The following AMPH variants were observed in gnomAD, a reference collection of about 807,000 sequenced individuals.
AMPH encodes the protein amphiphysin.
Under a neutral mutation model 99.1 loss-of-function variants are expected in AMPH, and 49 were observed. The observed-to-expected ratio is 0.49, with a 90% CI of 0.39 to 0.63. The LOEUF (loss-of-function observed/expected upper bound fraction) is 0.63. Ranked by LOEUF, AMPH falls within the 20% of genes least tolerant of loss-of-function variation. The probability of loss-of-function intolerance (pLI) is 0.00; values close to 1 mark genes in which losing one functional copy is unlikely to be tolerated. For synonymous variants in AMPH, 314 were observed against 317.3 expected, an observed-to-expected ratio of 0.99 and a Z score of 0.11; for missense variants, 759 against 863.4, an observed-to-expected ratio of 0.88 and a Z score of 1.52.
At chr7:38,515,100 G>A (rs1199633267) in intron 2 of AMPH, among the ~76,000 whole-genome samples, 2 of 152,182 alleles carry the variant, frequency 1.3e-5, no homozygotes, top group Non-Finnish European at 2.9e-5. Flanking sequence ...GGCCATTCTG[G>A]TGATGTCTCA....
intron 19 of AMPH, 109 bp from the exon 20 acceptor site, chr7:38,390,014 T>C: frequency 1.2e-6 from 1 of 865,806 alleles, no homozygotes; most frequent in Non-Finnish European, 1.9e-6. Context: ...ATTTGCCATA[T>C]CCCAAGGAGG....
At chr7:38,573,446 C>A (rs1792122586) in intron 1 of AMPH, among the ~76,000 whole-genome samples, 1 of 152,112 alleles carries the variant, frequency 6.6e-6, no homozygotes, top group African/African-American at 2.4e-5. Context: ...TAATGACAAC[C>A]AAAATATAAC....
intron 7 of AMPH, among the ~76,000 whole-genome samples, chr7:38,473,110 A>T (rs1373878249): frequency 7.9e-5 from 12 of 152,182 alleles, no homozygotes; most frequent in Non-Finnish European, 2.9e-5. Flanking sequence ...TGGCACTGGC[A>T]ATTTCCCAGG....
rs542971450 is a variant in AMPH at position 38,613,558 on chromosome 7, G to A, written c.69+17725C>T. ...GCACCTGCTCATTATCCGCTGTTCT[G>A]AGCGGAGAGTATTTCTCCACCGTGC... On this transcript the variant is annotated intron_variant, in intron 1 of 20. Coordinates refer to ENST00000356264, the MANE Select transcript of AMPH (RefSeq NM_001635.4). Among the ~76,000 whole-genome samples, 8 of 152,272 alleles carry A rather than the reference G, an allele frequency of 5.3e-5. No individual in the cohort carries two copies. The South Asian group carries it at 1.7e-3, about 32-fold the overall frequency.
chr7:38,493,621 T>G (rs1269447018), intron 4 of AMPH, among the ~76,000 whole-genome samples: 1 of 152,186 alleles, frequency 6.6e-6, no homozygotes, highest in Non-Finnish European at 1.5e-5. Flanking sequence ...TGTTAAGACA[T>G]GTCTAGGGCC....
chr7:38,588,078 A>G (rs373481991), intron 1 of AMPH, among the ~76,000 whole-genome samples: 1 of 151,834 alleles, frequency 6.6e-6, no homozygotes, highest in African/African-American at 2.4e-5. Context: ...CTGCCTCCCA[A>G]GTAGGTGGAC....
intron 1 of AMPH, among the ~76,000 whole-genome samples, chr7:38,614,737 TA>T (rs2129067867): frequency 6.6e-6 from 1 of 152,260 alleles, no homozygotes; most frequent in South Asian, 2.1e-4. Flanking sequence ...TTCGAGGCAC[TA>T]AGGCCCCGAG....
intron 1 of AMPH, among the ~76,000 whole-genome samples, chr7:38,590,006 G>T (rs1792796985): frequency 6.6e-6 from 1 of 152,194 alleles, no homozygotes. Flanking sequence ...GGGCTTCAAA[G>T]AGTGCTTTAT....
intron 2 of AMPH, among the ~76,000 whole-genome samples, chr7:38,527,641 G>A (rs1213121891): frequency 1.3e-5 from 2 of 152,078 alleles, no homozygotes; most frequent in African/African-American, 2.4e-5. Flanking sequence ...TAGTATTTTC[G>A]TTGACGTCTT....
intron 1 of AMPH, among the ~76,000 whole-genome samples, chr7:38,620,702 TC>T (rs1305675811): frequency 6.6e-6 from 1 of 152,118 alleles, no homozygotes; most frequent in Non-Finnish European, 1.5e-5. Context: ...ATAAGGGCTT[TC>T]TTTTTTTTGG....
chr7:38,418,788 TG>T (rs761585981), intron 16 of AMPH, among the ~76,000 whole-genome samples: 41 of 152,278 alleles, frequency 2.7e-4, no homozygotes, highest in Non-Finnish European at 4.4e-4. Context: ...GAGGTCTTTT[TG>T]TCCCAACAAG....
intron 1 of AMPH, among the ~76,000 whole-genome samples, chr7:38,604,733 A>G (rs1562856625): frequency 2.0e-5 from 3 of 152,166 alleles, no homozygotes; most frequent in African/African-American, 7.2e-5. Flanking sequence ...CAAATGAACT[A>G]TGTTCCCTCT....
intron 1 of AMPH, among the ~76,000 whole-genome samples, chr7:38,616,997 A>T (rs1390720467): frequency 6.6e-6 from 1 of 152,228 alleles, no homozygotes; most frequent in East Asian, 1.9e-4. Context: ...GATAATGTAG[A>T]TGTAGATATA....
chr7:38,587,409 CTGAGT>C (rs1028774953), intron 1 of AMPH, among the ~76,000 whole-genome samples: 1 of 152,152 alleles, frequency 6.6e-6, no homozygotes, highest in African/African-American at 2.4e-5. Context: ...CTTAAACTCC[CTGAGT>C]TATCTGTGGT....
chr7:38,428,201 A>G (rs1340186022), intron 14 of AMPH: 4 of 456,650 alleles, frequency 8.8e-6, no homozygotes, highest in African/African-American at 2.0e-5. Flanking sequence ...CTGGTATACC[A>G]GAGAATCCTG....
Position 38,464,713 on chromosome 7 carries a change from C to T in AMPH, c.749+754G>A, listed in dbSNP as rs185462763. Among the ~76,000 whole-genome samples the T allele has an allele frequency of 3.0e-3, 450 of 152,132 alleles. 5 individuals are homozygous for T. Among genetic ancestry groups the T allele is most frequent in the Non-Finnish European group, 4.8e-3 (328 of 67,996 alleles). On this transcript the variant is annotated intron_variant, in intron 9 of 20. Coordinates refer to ENST00000356264, the MANE Select transcript of AMPH (RefSeq NM_001635.4). ...GACCTCTAACCAGAGAGGTTTTGAA[C>T]TTACTCAAGGAAGGCAAAGCAAGTT...
chr7:38,463,208 C>T (rs774951208), intron 9 of AMPH, 95 bp from the exon 10 acceptor site: 2 of 1,539,994 alleles, frequency 1.3e-6, no homozygotes, highest in South Asian at 2.3e-5. Context: ...AGAAGCCTAA[C>T]AGGTACTGTC....
rs1789227315 is a variant in AMPH at position 38,503,644 on chromosome 7, C to A, written c.205+6G>T. On this transcript the variant is annotated splice_donor_region_variant and intron_variant, in intron 3 of 20. Coordinates refer to ENST00000356264, the MANE Select transcript of AMPH (RefSeq NM_001635.4). ...TAACATGCAGTAAACAACTCATACA[C>A]ATTACCTTTGATTGCTGCTAAATAT... 3 of 1,613,724 alleles carry A rather than the reference C, an allele frequency of 1.9e-6. No homozygotes were observed. The highest frequency in any genetic ancestry group is 2.5e-6 in the Non-Finnish European group (3 of 1,179,700).
chr7:38,442,278 G>C (rs1053746834), intron 11 of AMPH, among the ~76,000 whole-genome samples: 1 of 152,080 alleles, frequency 6.6e-6, no homozygotes, highest in African/African-American at 2.4e-5. Context: ...CCCTGTTAAA[G>C]AGTACAGCAT....
Sources: allele counts gnomAD v4.1 joint callset (sites outside exome capture counted in the v4.1 genomes callset), GRCh38; gene constraint gnomAD v4.1.1; transcripts MANE v1.5; gene names NCBI Gene and HGNC (gene_info 2026-07-23, HGNC 2026-07-21).